The following CPSF2 variants were observed in gnomAD, a reference collection of about 807,000 sequenced individuals.
The protein encoded by CPSF2 is cleavage and polyadenylation specific factor 2.
A neutral mutation model predicts 84.2 loss-of-function variants in CPSF2; 51 were observed. That is an observed-to-expected ratio of 0.61 (90% CI 0.48 to 0.77). The LOEUF (loss-of-function observed/expected upper bound fraction) is 0.77. CPSF2 is among the 30% of genes least tolerant of loss of function. The pLI, the probability that CPSF2 is intolerant of heterozygous loss-of-function variation, is 0.00. For missense variants in CPSF2, 641 were observed against 929.4 expected, an observed-to-expected ratio of 0.69 and a Z score of 4.03; for synonymous variants, 286 against 311.9, an observed-to-expected ratio of 0.92 and a Z score of 0.87.
chr14:92,144,887 A>G (rs74074433), intron 9 of CPSF2, among the ~76,000 whole-genome samples: 3,312 of 152,238 alleles, frequency 0.022, 126 homozygotes, highest in African/African-American at 0.076. Context: ...AACTTAATGT[A>G]GAAGTCAAAG....
intron 7 of CPSF2, 63 bp downstream of exon 7, chr14:92,138,410 A>G (rs1204857054): frequency 2.2e-5 from 18 of 817,366 alleles, no homozygotes; most frequent in Non-Finnish European, 3.1e-5. Flanking sequence ...TATTTAGGGA[A>G]TATAAGTACA....
Position 92,157,922 on chromosome 14 carries a change from T to A in CPSF2, c.1821+38T>A. 1 of 1,407,886 alleles carries A rather than the reference T, an allele frequency of 7.1e-7. No individual in the cohort carries two copies. Among genetic ancestry groups the A allele is most frequent in the Non-Finnish European group, 1.0e-6 (1 of 992,858 alleles). The allele number at this position is 1,407,886 out of a possible 1,614,324, so 87.2% of individuals were successfully genotyped here. A position where few individuals can be genotyped will look rare whatever the true frequency, so the allele number is the denominator to read the frequency against. On this transcript the variant is annotated intron_variant, in intron 13 of 15. Transcript: ENST00000298875. The surrounding 1 kb of genome is among the most constrained non-coding windows in gnomAD (Gnocchi z 4.0). ...GGAGTTGCCATTGAGTAGAAATAAG[T>A]ACTTTTTGTTGCAGGTTAGGACAGA...
At position 92,170,278 on chromosome 14, in the gene CPSF2, A is replaced by G. The variant is rs997524247; in HGVS notation, c.*8534A>G. ...GTATATCCTTCCCCTAGATTCTTCT[A>G]TTGTTAACATCTTGCCATATTTTCC... On this transcript the variant is annotated 3_prime_UTR_variant, in exon 16 of 16. Transcript: ENST00000298875. 3 of 152,190 alleles carry G rather than the reference A, an allele frequency of 2.0e-5. No individual in the cohort carries two copies. The highest frequency in any genetic ancestry group is 4.8e-5 in the African/African-American group (2 of 41,444). 9.4% of individuals were successfully genotyped at this position (152,190 alleles called of 1,614,324 possible). A position where few individuals can be genotyped will look rare whatever the true frequency, so the allele number is the denominator to read the frequency against.
chr14:92,126,048 C>T (rs1392313494), intron 1 of CPSF2, 74 bp from the exon 2 acceptor site: 1 of 152,182 alleles, frequency 6.6e-6, no homozygotes, highest in East Asian at 1.9e-4. Flanking sequence ...GGGCAAGATA[C>T]AAATTAAACA....
chr14:92,158,995 GACTC>G lies in CPSF2; in HGVS notation c.1838_1841del (p.Ser613LeufsTer15), dbSNP rs1420564149. The G allele has an allele frequency of 3.7e-6, 6 of 1,611,706 alleles. No individual in the cohort carries two copies. Among genetic ancestry groups the G allele is most frequent in the African/African-American group, 1.3e-5 (1 of 74,732 alleles). On this transcript the variant is annotated frameshift_variant, in exon 14 of 16. Coordinates refer to ENST00000298875, the MANE Select transcript of CPSF2 (RefSeq NM_017437.3). LOFTEE classifies it high-confidence loss of function. ...TTTGCATGTCTAGGTGAGGTTAAAA[GACTC>G]ACTTGTCAGCTCTCTTCAGTTTTGT...
intron 9 of CPSF2, among the ~76,000 whole-genome samples, chr14:92,150,120 G>A (rs2069193928): frequency 7.6e-6 from 1 of 130,948 alleles, no homozygotes. Flanking sequence ...CCTTTTTTTT[G>A]TTGGTATTTT....
chr14:92,166,855 A>G lies in CPSF2; in HGVS notation c.*5111A>G, dbSNP rs2069453782. ...TTTCATTGATCTATATATCTATGCT[A>G]GTACCACATGTCTTCATTACTGTAG... On this transcript the variant is annotated 3_prime_UTR_variant, in exon 16 of 16. Coordinates refer to ENST00000298875, the MANE Select transcript of CPSF2 (RefSeq NM_017437.3). 6.6e-6 allele frequency: 1 copy of G among 152,110 alleles called. No individual in the cohort carries two copies. Among genetic ancestry groups the G allele is most frequent in the African/African-American group, 2.4e-5 (1 of 41,414 alleles). 9.4% of individuals were successfully genotyped at this position (152,110 alleles called of 1,614,324 possible).
chr14:92,128,481 C>CA (rs1180031768), intron 2 of CPSF2, among the ~76,000 whole-genome samples: 1 of 151,802 alleles, frequency 6.6e-6, no homozygotes, highest in African/African-American at 2.4e-5. Context: ...GACTCCGTCT[C>CA]AAAAAAAAGC....
chr14:92,149,049 G>A (rs2069178555), intron 9 of CPSF2, among the ~76,000 whole-genome samples: 1 of 152,098 alleles, frequency 6.6e-6, no homozygotes, highest in Non-Finnish European at 1.5e-5. Context: ...TCAAAAGTGT[G>A]GTTTGAGGAC....
intron 9 of CPSF2, among the ~76,000 whole-genome samples, chr14:92,144,389 T>C (rs149417138): frequency 6.6e-6 from 1 of 152,360 alleles, no homozygotes; most frequent in East Asian, 1.9e-4. Flanking sequence ...TTCTTATGGC[T>C]GAACGGTCTC....
chr14:92,137,917 C>T (rs922198691), intron 6 of CPSF2, among the ~76,000 whole-genome samples: 1 of 151,944 alleles, frequency 6.6e-6, no homozygotes, highest in African/African-American at 2.4e-5. Context: ...ATATGTATAT[C>T]AGTACTTACC....
In CPSF2 at chr14:92,162,401, AT is replaced by A; in HGVS notation, c.*659del. On this transcript the variant is annotated 3_prime_UTR_variant, in exon 16 of 16. Coordinates refer to ENST00000298875, the MANE Select transcript of CPSF2 (RefSeq NM_017437.3). The stretch of plus-strand genomic sequence containing the variant: ...ATTTTGTTGTGGCATTTCAATGTAA[AT>A]TATAACACCATCATTTGAGTATACA... The A allele has an allele frequency of 6.5e-6, 1 of 152,722 alleles. No homozygotes were observed. The highest frequency in any genetic ancestry group is 1.9e-4 in the East Asian group (1 of 5,190). The allele number at this position is 152,722 out of a possible 1,614,324, so 9.5% of individuals were successfully genotyped here.
chr14:92,133,401 CAA>C (rs1257246993), intron 3 of CPSF2, among the ~76,000 whole-genome samples: 5 of 152,040 alleles, frequency 3.3e-5, no homozygotes, highest in African/African-American at 1.2e-4. Flanking sequence ...GCCTGGGCAA[CAA>C]GAGCAAAACT....
intron 2 of CPSF2, among the ~76,000 whole-genome samples, chr14:92,130,165 T>C (rs879362878): frequency 5.3e-5 from 8 of 152,242 alleles, no homozygotes; most frequent in Admixed American, 3.9e-4. Context: ...TGCAAACATA[T>C]GCCACCTATG....
Position 92,165,855 on chromosome 14 carries a change from T to TTTTG in CPSF2, c.*4114_*4115insGTTT, listed in dbSNP as rs59528100. On this transcript the variant is annotated 3_prime_UTR_variant, in exon 16 of 16. Coordinates refer to ENST00000298875, the MANE Select transcript of CPSF2 (RefSeq NM_017437.3). ...AGTTCTTTGTGCTTGGTTTTATATC[T>TTTTG]TTTTTTTTTTTTTTTTTTTTTTTTG... is the stretch of plus-strand genomic sequence containing the variant. 2.9e-3 allele frequency: 228 copies of TTTTG among 77,450 alleles called. 6 individuals are homozygous for TTTTG. The highest frequency in any genetic ancestry group is 0.013 in the African/African-American group (213 of 16,102). The allele number at this position is 77,450 out of a possible 1,614,324, so 4.8% of individuals were successfully genotyped here.
At chr14:92,126,617 C>T (rs1260115558) in intron 2 of CPSF2, among the ~76,000 whole-genome samples, 2 of 151,854 alleles carry the variant, frequency 1.3e-5, no homozygotes, top group Admixed American at 1.3e-4. Context: ...TAAAGACCAG[C>T]CTGGGCAACA....
At chr14:92,135,340 C>CT (rs1567018486) in intron 5 of CPSF2, 27 bp from the exon 6 acceptor site, 1 of 1,566,172 alleles carries the variant, frequency 6.4e-7, no homozygotes. Context: ...TAAAAGAAAT[C>CT]TGAGTATTGT....
intron 3 of CPSF2, among the ~76,000 whole-genome samples, chr14:92,132,075 T>G (rs1283515781): frequency 6.6e-6 from 1 of 152,160 alleles, no homozygotes; most frequent in Non-Finnish European, 1.5e-5. Flanking sequence ...CAAAAATCCA[T>G]TATAAGTATG....
chr14:92,139,868 A>G (rs1335372354), intron 7 of CPSF2, among the ~76,000 whole-genome samples: 1 of 150,050 alleles, frequency 6.7e-6, no homozygotes, highest in Non-Finnish European at 1.5e-5. Context: ...GCTATAAGGG[A>G]TTTCAGCAGG....
Sources: allele counts gnomAD v4.1 joint callset (sites outside exome capture counted in the v4.1 genomes callset), GRCh38; gene constraint gnomAD v4.1.1; non-coding constraint Gnocchi (gnomAD v3.1); transcripts MANE v1.5; gene names NCBI Gene and HGNC (gene_info 2026-07-23, HGNC 2026-07-21).